Variants in ITCH observed in about 807,000 individuals in gnomAD.
ITCH encodes the protein itchy E3 ubiquitin protein ligase, also known as E3 ubiquitin-protein ligase Itchy homolog.
Under a neutral mutation model 126.8 loss-of-function variants are expected in ITCH, and 28 were observed. That is an observed-to-expected ratio of 0.22 (90% CI 0.16 to 0.30). The LOEUF (loss-of-function observed/expected upper bound fraction) is 0.30, where lower values mean the gene tolerates loss of function less well. Ranked by LOEUF, ITCH falls within the 10% of genes least tolerant of loss-of-function variation. The probability of loss-of-function intolerance (pLI) is 1.00; values close to 1 mark genes in which losing one functional copy is unlikely to be tolerated. For missense variants in ITCH, 631 were observed against 1,032.4 expected (o/e 0.61, Z 5.33); for synonymous variants, 342 against 340.0 (o/e 1.01, Z -0.06).
intron 14 of ITCH, among the ~76,000 whole-genome samples, chr20:34,465,159 T>C (rs1478935514): frequency 6.6e-6 from 1 of 152,246 alleles, no homozygotes; most frequent in Non-Finnish European, 1.5e-5. Flanking sequence ...AAGACTGTCC[T>C]TTCCCCATTG....
chr20:34,476,180 C>G, intron 16 of ITCH: 1 of 802,054 alleles, frequency 1.2e-6, no homozygotes, highest in Non-Finnish European at 2.3e-6. Flanking sequence ...CCATCAATAT[C>G]TGGATTATTT....
intron 3 of ITCH, among the ~76,000 whole-genome samples, 161 bp downstream of exon 3, chr20:34,394,042 G>A (rs982647679): frequency 4.0e-5 from 6 of 151,898 alleles, no homozygotes; most frequent in Admixed American, 6.6e-5. Context: ...GACCAGCCAA[G>A]CCAACATGGA....
chr20:34,418,889 G>A (rs554486503), intron 6 of ITCH, among the ~76,000 whole-genome samples: 1 of 151,504 alleles, frequency 6.6e-6, no homozygotes, highest in Non-Finnish European at 1.5e-5. Flanking sequence ...AGCCTCCCAA[G>A]TAGCTGGGAT....
At chr20:34,470,428 A>ATG (rs2146415734) in intron 15 of ITCH, among the ~76,000 whole-genome samples, 1 of 150,564 alleles carries the variant, frequency 6.6e-6, no homozygotes, top group African/African-American at 2.4e-5. Flanking sequence ...GTAAATATAT[A>ATG]TATATATATA....
chr20:34,430,423 A>ATT (rs534376489), intron 7 of ITCH, among the ~76,000 whole-genome samples: 3 of 147,822 alleles, frequency 2.0e-5, no homozygotes, highest in African/African-American at 7.4e-5. Context: ...GACTTACGGA[A>ATT]TTTTTTTTTT....
intron 2 of ITCH, among the ~76,000 whole-genome samples, chr20:34,388,100 CT>C (rs533244733): frequency 4.0e-3 from 557 of 137,844 alleles, no homozygotes; most frequent in Admixed American, 5.9e-3. Context: ...CTTGTGAAGG[CT>C]TTTTTTTTTT....
At chr20:34,454,019 AAGAG>A (rs751187918) in intron 12 of ITCH, among the ~76,000 whole-genome samples, 1 of 151,912 alleles carries the variant, frequency 6.6e-6, no homozygotes, top group Non-Finnish European at 1.5e-5. Flanking sequence ...AAGAAGAACA[AAGAG>A]AGAATTCTGG....
intron 3 of ITCH, among the ~76,000 whole-genome samples, chr20:34,396,316 G>C (rs2038674689): frequency 6.6e-6 from 1 of 152,078 alleles, no homozygotes; most frequent in Non-Finnish European, 1.5e-5. Flanking sequence ...TTACAGGCGT[G>C]AGCCACTGCA....
intron 2 of ITCH, among the ~76,000 whole-genome samples, chr20:34,371,897 A>G (rs1422110272): frequency 1.3e-5 from 2 of 152,026 alleles, no homozygotes; most frequent in Non-Finnish European, 2.9e-5. Context: ...TTTGAATATG[A>G]TTTCTCAGGT....
rs779875841 is a variant in ITCH, at chr20:34,413,908, A to G, written c.475+29A>G. On this transcript the variant is annotated intron_variant, in intron 6 of 24. Coordinates refer to ENST00000374864, the MANE Select transcript of ITCH (RefSeq NM_031483.7). ...AGTGACTACCTTTTTAAGGTCTTTAATGATTCTTCTTAAATAAAATAGCCA... is the reference window on the plus strand; with the variant it reads ...AGTGACTACCTTTTTAAGGTCTTTAGTGATTCTTCTTAAATAAAATAGCCA... 4.5e-6 allele frequency: 7 copies of G among 1,567,552 alleles called. No individual in the cohort carries two copies. The African/African-American group carries it at 6.8e-5, about 15-fold the overall frequency.
intron 4 of ITCH, among the ~76,000 whole-genome samples, chr20:34,409,824 T>G (rs1978726460): frequency 6.6e-6 from 1 of 152,124 alleles, no homozygotes; most frequent in African/African-American, 2.4e-5. Context: ...ATCTAAGATA[T>G]TGACAGCCAT....
chr20:34,472,244 C>T (rs1347354535), intron 16 of ITCH, among the ~76,000 whole-genome samples: 1 of 151,742 alleles, frequency 6.6e-6, no homozygotes, highest in Non-Finnish European at 1.5e-5. Context: ...GGCCTGGTGG[C>T]TGATGCCTGT....
chr20:34,412,443 T>C (rs1979170580), intron 4 of ITCH, 72 bp from the exon 5 acceptor site: 1 of 1,199,272 alleles, frequency 8.3e-7, no homozygotes, highest in Non-Finnish European at 1.2e-6. Flanking sequence ...TAAAACTGAA[T>C]TGTAATTTAT....
intron 7 of ITCH, among the ~76,000 whole-genome samples, chr20:34,425,870 G>A (rs944632134): frequency 2.2e-4 from 33 of 152,212 alleles, no homozygotes; most frequent in Admixed American, 5.9e-4. Context: ...CACGTTGAGC[G>A]CCGGTCTCCT....
At chr20:34,398,597 C>A (rs1042245433) in intron 3 of ITCH, among the ~76,000 whole-genome samples, 1 of 152,094 alleles carries the variant, frequency 6.6e-6, no homozygotes, top group Non-Finnish European at 1.5e-5. Flanking sequence ...CGGGTTTTCA[C>A]CATGTTGGTC....
At chr20:34,454,600 G>C (rs1666119624) in intron 12 of ITCH, 1 of 152,068 alleles carries the variant, frequency 6.6e-6, no homozygotes, top group East Asian at 1.9e-4. Flanking sequence ...ATAGAAAGTA[G>C]CTTTAAATGT....
At chr20:34,445,528 A>C in intron 11 of ITCH, 67 bp downstream of exon 11, 7 of 1,505,334 alleles carry the variant, frequency 4.7e-6, no homozygotes, top group Non-Finnish European at 6.5e-6. Context: ...AGCATATGTC[A>C]TGGAAAGCAC....
At chr20:34,452,430 AGTG>A (rs767639824) in intron 12 of ITCH, among the ~76,000 whole-genome samples, 18 of 152,224 alleles carry the variant, frequency 1.2e-4, no homozygotes, top group Non-Finnish European at 2.2e-4. Flanking sequence ...ATGTTGAAGT[AGTG>A]CTACAGATGT....
At chr20:34,504,214 G>T (rs1990474479) in intron 23 of ITCH, 117 bp from the exon 24 acceptor site, 5 of 774,322 alleles carry the variant, frequency 6.5e-6, no homozygotes, top group Non-Finnish European at 1.1e-5. Flanking sequence ...GATGTGTGGG[G>T]CCTGAGGATT....
Sources: allele counts gnomAD v4.1 joint callset (sites outside exome capture counted in the v4.1 genomes callset), GRCh38; gene constraint gnomAD v4.1.1; transcripts MANE v1.5; gene names NCBI Gene and HGNC (gene_info 2026-07-23, HGNC 2026-07-21).